RAPGEF4: variants seen among roughly 807,000 people sequenced by gnomAD.
The protein encoded by RAPGEF4 is Rap guanine nucleotide exchange factor 4.
In RAPGEF4, 66 loss-of-function variants were observed where a neutral mutation model predicts 147.9. The ratio of observed to expected loss-of-function variants is 0.45; its 90% CI spans 0.37 to 0.55. The LOEUF is 0.55. Ranked by LOEUF, RAPGEF4 falls within the 20% of genes least tolerant of loss-of-function variation. The pLI, the probability that RAPGEF4 is intolerant of heterozygous loss-of-function variation, is 0.00. For missense variants in RAPGEF4, 1,071 were observed against 1,257.3 expected, an observed-to-expected ratio of 0.85 and a Z score of 2.24; for synonymous variants, 419 against 442.7, an observed-to-expected ratio of 0.95 and a Z score of 0.67.
chr2:172,752,516 C>T (rs1475543595), intron 1 of RAPGEF4, among the ~76,000 whole-genome samples: 1 of 152,192 alleles, frequency 6.6e-6, no homozygotes, highest in Non-Finnish European at 1.5e-5. Context: ...ACCATATGTA[C>T]ATTAGACTTA....
chr2:172,748,359 T>C (rs949472311), intron 1 of RAPGEF4, among the ~76,000 whole-genome samples: 2 of 152,212 alleles, frequency 1.3e-5, no homozygotes, highest in African/African-American at 2.4e-5. Flanking sequence ...TTTAATGGAC[T>C]CATAGTTCCA....
intron 1 of RAPGEF4, among the ~76,000 whole-genome samples, chr2:172,777,580 A>C (rs1007891266): frequency 1.1e-4 from 16 of 150,226 alleles, no homozygotes; most frequent in African/African-American, 3.9e-4. Flanking sequence ...ACTTAAGAAG[A>C]CCCCCCCCAT....
intron 4 of RAPGEF4, among the ~76,000 whole-genome samples, chr2:172,827,306 CTTGT>C (rs1462150328): frequency 6.6e-6 from 1 of 152,052 alleles, no homozygotes. Flanking sequence ...AATTCCCTTT[CTTGT>C]TTTCTGCTTG....
chr2:172,915,062 A>G (rs1683908856), intron 4 of RAPGEF4, among the ~76,000 whole-genome samples: 1 of 152,226 alleles, frequency 6.6e-6, no homozygotes, highest in Non-Finnish European at 1.5e-5. Context: ...GCAGGGTGCT[A>G]CATAAGAATG....
intron 4 of RAPGEF4, among the ~76,000 whole-genome samples, chr2:172,838,382 T>C (rs1053387611): frequency 1.8e-4 from 28 of 152,136 alleles, no homozygotes; most frequent in Admixed American, 6.6e-5. Flanking sequence ...AAATCCGCCT[T>C]TGTTATCCCT....
At chr2:172,747,612 C>T (rs370607005) in intron 1 of RAPGEF4, among the ~76,000 whole-genome samples, 1 of 152,122 alleles carries the variant, frequency 6.6e-6, no homozygotes, top group African/African-American at 2.4e-5. Context: ...ACTATAGGCA[C>T]CTACCACCAT....
At chr2:172,879,710 G>A (rs1268297270) in intron 4 of RAPGEF4, among the ~76,000 whole-genome samples, 3 of 152,146 alleles carry the variant, frequency 2.0e-5, no homozygotes, top group Non-Finnish European at 4.4e-5. Flanking sequence ...GCTGAGGTGG[G>A]AGGATCACTT....
At chr2:172,953,200 A>G (rs1688388493) in intron 6 of RAPGEF4, among the ~76,000 whole-genome samples, 1 of 149,176 alleles carries the variant, frequency 6.7e-6, no homozygotes. Flanking sequence ...GCTATCTATT[A>G]TAGATATTTT....
At chr2:172,824,766 C>T (rs1191255320) in intron 4 of RAPGEF4, among the ~76,000 whole-genome samples, 5 of 152,184 alleles carry the variant, frequency 3.3e-5, no homozygotes, top group African/African-American at 1.2e-4. Context: ...GGAAATTTCA[C>T]TGTATGCCTA....
At chr2:172,990,035 G>T (rs199917192) in intron 14 of RAPGEF4, among the ~76,000 whole-genome samples, 9 of 137,148 alleles carry the variant, frequency 6.6e-5, no homozygotes, top group African/African-American at 2.1e-4. Flanking sequence ...AAAAAGAAAA[G>T]AAAAAAAAAG....
At chr2:172,766,999 T>C (rs905057597) in intron 1 of RAPGEF4, among the ~76,000 whole-genome samples, 4 of 152,200 alleles carry the variant, frequency 2.6e-5, no homozygotes, top group Non-Finnish European at 5.9e-5. Context: ...AGTTGGCTGT[T>C]TTCAGCTCAA....
At chr2:172,869,983 G>T (rs1695047336) in intron 4 of RAPGEF4, among the ~76,000 whole-genome samples, 1 of 152,116 alleles carries the variant, frequency 6.6e-6, no homozygotes, top group Admixed American at 6.5e-5. Context: ...CCACTCCCGG[G>T]GAGTGGGCAT....
At chr2:172,854,447 A>G (rs1693189355) in intron 4 of RAPGEF4, among the ~76,000 whole-genome samples, 1 of 151,754 alleles carries the variant, frequency 6.6e-6, no homozygotes, top group African/African-American at 2.4e-5. Context: ...CCAAGCTTTT[A>G]TTTTCTAACT....
At chr2:172,763,728 G>A (rs1372474644) in intron 1 of RAPGEF4, among the ~76,000 whole-genome samples, 1 of 152,160 alleles carries the variant, frequency 6.6e-6, no homozygotes, top group Non-Finnish European at 1.5e-5. Flanking sequence ...TGGCTAGATA[G>A]TACAGGCAAA....
At chr2:172,736,078 C>T in intron 1 of RAPGEF4, 30 bp downstream of exon 1, 1 of 1,450,868 alleles carries the variant, frequency 6.9e-7, no homozygotes, top group Non-Finnish European at 9.1e-7. Context: ...AGCCGGGGGC[C>T]GAGCTCTGCG....
intron 1 of RAPGEF4, among the ~76,000 whole-genome samples, chr2:172,761,740 C>A (rs529974393): frequency 6.6e-6 from 1 of 152,218 alleles, no homozygotes; most frequent in African/African-American, 2.4e-5. Flanking sequence ...GCATAACTTG[C>A]AAAACAGAAA....
chr2:172,843,456 G>T (rs1487593358), intron 4 of RAPGEF4, among the ~76,000 whole-genome samples: 1 of 152,160 alleles, frequency 6.6e-6, no homozygotes, highest in Non-Finnish European at 1.5e-5. Context: ...TGATTTAAGT[G>T]CATTTACAAA....
At chr2:172,861,077 A>G (rs1032919986) in intron 4 of RAPGEF4, among the ~76,000 whole-genome samples, 3 of 152,202 alleles carry the variant, frequency 2.0e-5, no homozygotes, top group Non-Finnish European at 2.9e-5. Context: ...TATCGAGACT[A>G]TGAATGGGTG....
chr2:172,906,855 TG>T (rs144472498), intron 4 of RAPGEF4, among the ~76,000 whole-genome samples: 1 of 152,380 alleles, frequency 6.6e-6, no homozygotes, highest in African/African-American at 2.4e-5. Flanking sequence ...CATCTTGCTT[TG>T]TAAACTGAGT....
Sources: allele counts gnomAD v4.1 joint callset (sites outside exome capture counted in the v4.1 genomes callset), GRCh38; gene constraint gnomAD v4.1.1; transcripts MANE v1.5; gene names NCBI Gene and HGNC (gene_info 2026-07-23, HGNC 2026-07-21).